The following USP46 variants were observed in gnomAD, a reference collection of about 807,000 sequenced individuals.
USP46 encodes the protein ubiquitin carboxyl-terminal hydrolase 46.
In USP46, 12 loss-of-function variants were observed where a neutral mutation model predicts 44.4. The observed-to-expected ratio is 0.27, with a 90% confidence interval of 0.17 to 0.44. The LOEUF (loss-of-function observed/expected upper bound fraction) is 0.44, where lower values mean the gene tolerates loss of function less well. Ranked by LOEUF, USP46 falls within the 20% of genes least tolerant of loss-of-function variation. USP46 has a pLI of 1.00. For synonymous variants in USP46, 155 were observed against 161.5 expected (o/e 0.96, Z 0.31); for missense variants, 248 against 444.8 (o/e 0.56, Z 3.98).
At chr4:52,640,650 T>C (rs1649016328) in intron 1 of USP46, among the ~76,000 whole-genome samples, 2 of 150,172 alleles carry the variant, frequency 1.3e-5, no homozygotes, top group Admixed American at 6.7e-5. Context: ...AAAAAAAAAA[T>C]ACAAAATTAG....
At chr4:52,617,430 T>C (rs1182600992) in intron 4 of USP46, among the ~76,000 whole-genome samples, 1 of 152,190 alleles carries the variant, frequency 6.6e-6, no homozygotes, top group Non-Finnish European at 1.5e-5. Context: ...AACTTAATGG[T>C]TTTGGAGAGA....
chr4:52,624,107 G>T (rs1717486098), intron 4 of USP46, among the ~76,000 whole-genome samples: 1 of 152,050 alleles, frequency 6.6e-6, no homozygotes, highest in Admixed American at 6.6e-5. Context: ...GTTGGGGTTG[G>T]GGGGTTGGCG....
intron 1 of USP46, among the ~76,000 whole-genome samples, chr4:52,632,985 AAAAGAAAAG>A (rs1271435739): frequency 1.1e-3 from 58 of 53,248 alleles, no homozygotes; most frequent in African/African-American, 4.6e-3. Flanking sequence ...AGAAAGAAAG[AAAAGAAAAG>A]AAAGAAAGAA....
intron 1 of USP46, among the ~76,000 whole-genome samples, chr4:52,644,752 A>C (rs912805231): frequency 6.6e-5 from 10 of 151,794 alleles, no homozygotes; most frequent in African/African-American, 1.7e-4. Flanking sequence ...AAAAAAAAAA[A>C]AAAAAACCTC....
At chr4:52,617,929 G>A (rs1717225042) in intron 4 of USP46, among the ~76,000 whole-genome samples, 1 of 152,096 alleles carries the variant, frequency 6.6e-6, no homozygotes, top group African/African-American at 2.4e-5. Flanking sequence ...CCTCAATTTT[G>A]AGCATGGAGG....
At chr4:52,616,948 CA>C (rs1717175748) in intron 4 of USP46, among the ~76,000 whole-genome samples, 1 of 152,232 alleles carries the variant, frequency 6.6e-6, no homozygotes, top group African/African-American at 2.4e-5. Flanking sequence ...AACATACCAT[CA>C]AAATTTGTAG....
rs185583314 is a variant in USP46, at chr4:52,624,796, C to T, written c.561+1222G>A. The stretch of plus-strand genomic sequence containing the variant: ...GATTTGTACCCTTATAAAAGGAGAC[C>T]CGAGAGAGCTTGCTTTCTCTATCTC... On this transcript the variant is annotated intron_variant, in intron 4 of 8. Coordinates refer to ENST00000441222, the MANE Select transcript of USP46 (RefSeq NM_022832.4). 2.3e-3 allele frequency among the ~76,000 whole-genome samples: 345 copies of T among 152,206 alleles called. 4 individuals are homozygous for T. Among genetic ancestry groups the T allele is most frequent in the Middle Eastern group, 6.8e-3 (2 of 294 alleles).
At chr4:52,615,273 C>A (rs1244929250) in intron 4 of USP46, among the ~76,000 whole-genome samples, 1 of 151,974 alleles carries the variant, frequency 6.6e-6, no homozygotes, top group Non-Finnish European at 1.5e-5. Context: ...AGACCAATTT[C>A]TATGCCGTCC....
intron 4 of USP46, among the ~76,000 whole-genome samples, chr4:52,618,269 A>T (rs1717241916): frequency 6.6e-6 from 1 of 152,114 alleles, no homozygotes; most frequent in Non-Finnish European, 1.5e-5. Flanking sequence ...TGGGCAGATC[A>T]TCTGAGGTCG....
At chr4:52,614,107 A>G (rs557132451) in intron 4 of USP46, among the ~76,000 whole-genome samples, 141 of 152,312 alleles carry the variant, frequency 9.3e-4, no homozygotes, top group African/African-American at 3.2e-3. Flanking sequence ...AGTGAATATG[A>G]AGACAGATCA....
At position 52,609,927 on chromosome 4, in the gene USP46, T is replaced by C. The variant is rs1207610405; in HGVS notation, c.638+614A>G. ...TTTTTTTTTTTTTTTTTTTTTTTTT[T>C]TTTTTTTTTTTTTTTTGAGGCGGAG... On this transcript the variant is annotated intron_variant, in intron 5 of 8. Coordinates refer to ENST00000441222, the MANE Select transcript of USP46 (RefSeq NM_022832.4). Among the ~76,000 whole-genome samples, 3 of 92,834 alleles carry C rather than the reference T, an allele frequency of 3.2e-5. No homozygotes were observed. In the East Asian group the frequency reaches 8.6e-4, roughly 26 times the overall value. The allele number at this position is 92,834 out of a possible 152,430, so 60.9% of individuals were successfully genotyped here.
intron 5 of USP46, among the ~76,000 whole-genome samples, chr4:52,609,489 T>C (rs1716829725): frequency 6.6e-6 from 1 of 151,354 alleles, no homozygotes; most frequent in Admixed American, 6.6e-5. Context: ...CAGAGAAAGC[T>C]AACGACTCCA....
Position 52,595,926 on chromosome 4 carries a change from T to A in USP46, c.*1714A>T, listed in dbSNP as rs1220102773. 6.6e-6 allele frequency: 1 copy of A among 152,528 alleles called. No homozygotes were observed. The highest frequency in any genetic ancestry group is 1.5e-5 in the Non-Finnish European group (1 of 68,018). 9.4% of individuals were successfully genotyped at this position (152,528 alleles called of 1,614,324 possible). The stretch of plus-strand genomic sequence containing the variant: ...GTAAGTTTCATGGAGGAAAAAAAAA[T>A]ATTTATAAATGTGAAATTGCCTCTA... On this transcript the variant is annotated 3_prime_UTR_variant, in exon 9 of 9. Transcript: ENST00000441222.
intron 4 of USP46, among the ~76,000 whole-genome samples, chr4:52,622,335 TA>T (rs1374504854): frequency 1.3e-5 from 2 of 152,164 alleles, no homozygotes; most frequent in African/African-American, 4.8e-5. Context: ...TATACTTCTT[TA>T]AAAAAATGAT....
intron 1 of USP46, among the ~76,000 whole-genome samples, chr4:52,646,512 A>G (rs951268690): frequency 1.3e-5 from 2 of 152,222 alleles, no homozygotes; most frequent in Non-Finnish European, 1.5e-5. Flanking sequence ...CCAGAAACTA[A>G]AAACATGGAG....
At chr4:52,620,045 A>G (rs1304692735) in intron 4 of USP46, among the ~76,000 whole-genome samples, 1 of 152,198 alleles carries the variant, frequency 6.6e-6, no homozygotes, top group Admixed American at 6.5e-5. Context: ...CATTATAACA[A>G]ATACTACAGT....
intron 1 of USP46, among the ~76,000 whole-genome samples, chr4:52,654,349 T>C (rs543627207): frequency 6.6e-6 from 1 of 152,320 alleles, no homozygotes; most frequent in East Asian, 1.9e-4. Flanking sequence ...GCAAGATATC[T>C]GTTCCCCCAA....
At chr4:52,618,405 G>A (rs953789580) in intron 4 of USP46, among the ~76,000 whole-genome samples, 3 of 151,970 alleles carry the variant, frequency 2.0e-5, no homozygotes, top group Non-Finnish European at 2.9e-5. Flanking sequence ...CAGCAAAAGC[G>A]CTTGAACCCA....
At chr4:52,601,148 C>G (rs1716453668) in intron 7 of USP46, among the ~76,000 whole-genome samples, 1 of 152,152 alleles carries the variant, frequency 6.6e-6, no homozygotes, top group South Asian at 2.1e-4. Flanking sequence ...CAATCTAAAA[C>G]CTATGAGGGC....
Sources: gnomAD v4.1 joint callset for allele counts (sites outside exome capture counted in the v4.1 genomes callset) on GRCh38, gnomAD v4.1.1 for gene constraint, MANE v1.5 for transcripts, NCBI Gene and HGNC (gene_info 2026-07-23, HGNC 2026-07-21) for gene names.